The following CDH18 variants were observed in gnomAD, a reference collection of about 807,000 sequenced individuals.
The protein encoded by CDH18 is cadherin 18.
CDH18 carries 31 observed loss-of-function variants against 67.9 expected under a neutral mutation model. That is an observed-to-expected ratio of 0.46 (90% CI 0.34 to 0.62). CDH18 has a LOEUF of 0.62. CDH18 is among the 20% of genes least tolerant of loss of function. The pLI, the probability that CDH18 is intolerant of heterozygous loss-of-function variation, is 0.01. For synonymous variants in CDH18, 362 were observed against 347.2 expected, an observed-to-expected ratio of 1.04 and a Z score of -0.48; for missense variants, 890 against 975.5, an observed-to-expected ratio of 0.91 and a Z score of 1.17.
chr5:20,380,886 A>T (rs1044275469), intron 1 of CDH18, among the ~76,000 whole-genome samples: 1 of 152,182 alleles, frequency 6.6e-6, no homozygotes, highest in Non-Finnish European at 1.5e-5. Context: ...TATTAATATG[A>T]CCTGCTATGG....
At chr5:20,356,137 C>G (rs866056721) in intron 1 of CDH18, among the ~76,000 whole-genome samples, 1 of 152,084 alleles carries the variant, frequency 6.6e-6, no homozygotes, top group Non-Finnish European at 1.5e-5. Context: ...AATCCCAGCA[C>G]TTTGGGAGGC....
intron 7 of CDH18, among the ~76,000 whole-genome samples, chr5:19,573,403 C>T (rs12153323): frequency 0.058 from 8,748 of 152,058 alleles, 279 homozygotes; most frequent in Non-Finnish European, 0.074. Context: ...CTCAGCCTCC[C>T]GAGTAGCTGG....
At chr5:19,693,616 G>T (rs978699831) in intron 5 of CDH18, among the ~76,000 whole-genome samples, 1 of 152,128 alleles carries the variant, frequency 6.6e-6, no homozygotes, top group Non-Finnish European at 1.5e-5. Flanking sequence ...TGAGAGGAAG[G>T]CCAAGCATGG....
chr5:19,843,977 G>A (rs973995823), intron 2 of CDH18, among the ~76,000 whole-genome samples: 1 of 152,136 alleles, frequency 6.6e-6, no homozygotes, highest in Non-Finnish European at 1.5e-5. Flanking sequence ...CCATTTCAGG[G>A]AGCATTTATC....
At chr5:20,027,161 T>G (rs1224653418) in intron 2 of CDH18, among the ~76,000 whole-genome samples, 1 of 152,102 alleles carries the variant, frequency 6.6e-6, no homozygotes, top group Non-Finnish European at 1.5e-5. Context: ...CAATAATGTA[T>G]GATTAAACAC....
Position 20,563,844 on chromosome 5 carries a change from A to G in CDH18, c.-580+11618T>C, listed in dbSNP as rs927103750. 2.6e-5 allele frequency among the ~76,000 whole-genome samples: 4 copies of G among 152,270 alleles called. No homozygotes were observed. In the East Asian group the frequency reaches 5.8e-4, roughly 22 times the overall value. On this transcript the variant is annotated intron_variant, in intron 1 of 14. Coordinates refer to the CDH18 transcript ENST00000507958. The stretch of plus-strand genomic sequence containing the variant: ...CAAAAGAGCTCCTTAAACTCATATT[A>G]TTAGCCAAAACAAAATGGCGCTCTG...
chr5:20,129,866 C>A (rs1464349361), intron 2 of CDH18, among the ~76,000 whole-genome samples: 1 of 151,792 alleles, frequency 6.6e-6, no homozygotes, highest in Non-Finnish European at 1.5e-5. Flanking sequence ...TAATAGGTTA[C>A]AGAATGGGAT....
intron 2 of CDH18, among the ~76,000 whole-genome samples, chr5:20,055,538 C>G (rs916352374): frequency 6.6e-6 from 1 of 152,204 alleles, no homozygotes; most frequent in African/African-American, 2.4e-5. Flanking sequence ...ATTTTAGTTG[C>G]TCTAAGTATT....
chr5:20,448,992 AAT>A (rs34431118), intron 1 of CDH18, among the ~76,000 whole-genome samples: 239 of 147,730 alleles, frequency 1.6e-3, no homozygotes, highest in South Asian at 2.1e-3. Context: ...CTGTTGCATG[AAT>A]ATATATATAT....
chr5:19,960,604 C>CACACGTGTGTATATATATATAT (rs1561635694), intron 2 of CDH18, among the ~76,000 whole-genome samples: 2 of 114,072 alleles, frequency 1.8e-5, no homozygotes, highest in Non-Finnish European at 3.5e-5. Context: ...TATATATATA[C>CACACGTGTGTATATATATATAT]ACACACGTGT....
chr5:20,126,541 A>C (rs10941629), intron 2 of CDH18, among the ~76,000 whole-genome samples: 129,521 of 152,114 alleles, frequency 0.85, 56,503 homozygotes, highest in Non-Finnish European at 0.94. Context: ...AGAATGAGAA[A>C]AAGTATTTTT....
chr5:20,465,402 G>A (rs1012779428), intron 1 of CDH18, among the ~76,000 whole-genome samples: 1 of 151,926 alleles, frequency 6.6e-6, no homozygotes, highest in Non-Finnish European at 1.5e-5. Flanking sequence ...CCTTCCAGAA[G>A]ACTAAATATT....
At chr5:19,558,445 G>A (rs536780460) in intron 8 of CDH18, among the ~76,000 whole-genome samples, 1 of 152,024 alleles carries the variant, frequency 6.6e-6, no homozygotes, top group East Asian at 1.9e-4. Flanking sequence ...AGCTCAATTA[G>A]AAATAAAACA....
intron 1 of CDH18, among the ~76,000 whole-genome samples, chr5:20,474,291 A>G (rs190267407): frequency 6.6e-4 from 101 of 152,240 alleles, no homozygotes; most frequent in African/African-American, 2.3e-3. Context: ...AAACAAACAA[A>G]CAAAAAGACA....
intron 2 of CDH18, among the ~76,000 whole-genome samples, chr5:20,182,583 C>G (rs1186720810): frequency 1.6e-5 from 1 of 63,594 alleles, no homozygotes; most frequent in Non-Finnish European, 2.8e-5. Flanking sequence ...GCCTGGGCAA[C>G]AAGAGCTAAA....
intron 5 of CDH18, among the ~76,000 whole-genome samples, chr5:19,630,722 AG>A (rs1752302957): frequency 1.3e-5 from 2 of 152,206 alleles, no homozygotes; most frequent in Admixed American, 1.3e-4. Context: ...GCTGCATTAA[AG>A]AAAGTAACAT....
intron 1 of CDH18, among the ~76,000 whole-genome samples, chr5:20,415,280 G>A (rs998249736): frequency 7.9e-5 from 12 of 152,004 alleles, no homozygotes; most frequent in African/African-American, 2.2e-4. Flanking sequence ...CCAGCTACTC[G>A]GGAGGCTGAG....
chr5:19,842,050 A>G (rs1782373882), intron 2 of CDH18, among the ~76,000 whole-genome samples: 2 of 152,244 alleles, frequency 1.3e-5, no homozygotes, highest in African/African-American at 4.8e-5. Flanking sequence ...TCTCTGCATA[A>G]GTTAGAAAAA....
chr5:20,093,632 A>C (rs559388652), intron 2 of CDH18, among the ~76,000 whole-genome samples: 1 of 152,296 alleles, frequency 6.6e-6, no homozygotes, highest in African/African-American at 2.4e-5. Context: ...AAGGTATAAA[A>C]CTAAATTTCA....
Sources: allele counts gnomAD v4.1 joint callset (sites outside exome capture counted in the v4.1 genomes callset), GRCh38; gene constraint gnomAD v4.1.1; transcripts MANE v1.5; gene names NCBI Gene and HGNC (gene_info 2026-07-23, HGNC 2026-07-21).